PLCG2: variants seen among roughly 807,000 people sequenced by gnomAD.
The protein encoded by PLCG2 is 1-phosphatidylinositol 4,5-bisphosphate phosphodiesterase gamma-2.
In PLCG2, 69 loss-of-function variants were observed where a neutral mutation model predicts 175.6. The observed-to-expected ratio is 0.39, with a 90% CI of 0.32 to 0.48. The LOEUF (loss-of-function observed/expected upper bound fraction) is 0.48, where lower values mean the gene tolerates loss of function less well. Among genes scored for constraint, PLCG2 ranks in the 20% least tolerant of loss-of-function variants. The pLI is 0.91. For missense variants in PLCG2, 1,798 were observed against 1,650.9 expected (o/e 1.09, Z -1.54); for synonymous variants, 827 against 624.0 (o/e 1.33, Z -4.85).
chr16:81,874,775 C>A (rs1907684742), intron 7 of PLCG2, among the ~76,000 whole-genome samples: 1 of 152,108 alleles, frequency 6.6e-6, no homozygotes, highest in Non-Finnish European at 1.5e-5. Flanking sequence ...ACCTCTCGAG[C>A]TTCAGAGTTT....
At chr16:81,871,564 C>T (rs1308657731) in intron 7 of PLCG2, among the ~76,000 whole-genome samples, 1 of 152,174 alleles carries the variant, frequency 6.6e-6, no homozygotes, top group African/African-American at 2.4e-5. Flanking sequence ...TCTCGAACTT[C>T]TAACCTCAAC....
chr16:81,932,100 T>C (rs1910526653), intron 25 of PLCG2, among the ~76,000 whole-genome samples: 1 of 152,178 alleles, frequency 6.6e-6, no homozygotes, highest in Non-Finnish European at 1.5e-5. Flanking sequence ...GACCCGGTTC[T>C]TTCCGGTGGA....
At position 81,937,079 on chromosome 16, in the gene PLCG2, G is replaced by A. The variant is rs114952272; in HGVS notation, c.3053-679G>A. On this transcript the variant is annotated intron_variant, in intron 27 of 32. Coordinates refer to ENST00000564138, the MANE Select transcript of PLCG2 (RefSeq NM_002661.5). ...AGAAAGGCAGGGTGGGTCAAACAGC[G>A]CTTGCATTTTGATCAACTTTGCCCT... is the stretch of plus-strand genomic sequence containing the variant. 2.5e-3 allele frequency among the ~76,000 whole-genome samples: 383 copies of A among 152,320 alleles called. 2 individuals are homozygous for A. The highest frequency in any genetic ancestry group is 8.6e-3 in the African/African-American group (359 of 41,568).
chr16:81,889,125 T>G (rs1271249849), intron 9 of PLCG2, 47 bp from the exon 10 acceptor site: 1 of 1,133,384 alleles, frequency 8.8e-7, no homozygotes, highest in East Asian at 2.5e-5. Context: ...TGAAGAATTT[T>G]ATCAGTTCTC....
At chr16:81,784,854 G>T (rs4281704) in intron 1 of PLCG2, among the ~76,000 whole-genome samples, 1 of 151,866 alleles carries the variant, frequency 6.6e-6, no homozygotes, top group Non-Finnish European at 1.5e-5. Context: ...CCTGGGGAGC[G>T]CCTTCACTCT....
At chr16:81,791,387 A>G (rs1911224300) in intron 2 of PLCG2, among the ~76,000 whole-genome samples, 1 of 152,150 alleles carries the variant, frequency 6.6e-6, no homozygotes, top group African/African-American at 2.4e-5. Context: ...GTCATGTAAT[A>G]TAAACAAGCA....
intron 31 of PLCG2, among the ~76,000 whole-genome samples, 197 bp downstream of exon 31, chr16:81,946,460 C>G (rs1911154042): frequency 6.6e-6 from 1 of 152,100 alleles, no homozygotes; most frequent in Admixed American, 6.5e-5. Context: ...ATCCTCCTTT[C>G]CTGGAGAATG....
In PLCG2 at chr16:81,847,662, T is replaced by C. The variant is rs555856392; in HGVS notation, c.194-6782T>C. On this transcript the variant is annotated intron_variant, in intron 2 of 32. Coordinates refer to ENST00000564138, the MANE Select transcript of PLCG2 (RefSeq NM_002661.5). ...GTCTGCGGATTTAAGCTATGGTCGATTGAAAATATTTGAGAAAATTGCATC... is the reference window on the plus strand; with the variant it reads ...GTCTGCGGATTTAAGCTATGGTCGACTGAAAATATTTGAGAAAATTGCATC... 4.6e-5 allele frequency among the ~76,000 whole-genome samples: 7 copies of C among 152,344 alleles called. No homozygotes were observed. In the South Asian group the frequency reaches 1.0e-3, roughly 23 times the overall value.
chr16:81,753,822 C>T (rs1354671974), intron 1 of PLCG2, among the ~76,000 whole-genome samples: 2 of 152,160 alleles, frequency 1.3e-5, no homozygotes, highest in African/African-American at 4.8e-5. Flanking sequence ...GGAGCTCAGC[C>T]GTTTTATCTC....
intron 2 of PLCG2, among the ~76,000 whole-genome samples, chr16:81,845,699 G>A (rs995052072): frequency 1.3e-5 from 2 of 152,240 alleles, no homozygotes; most frequent in Non-Finnish European, 2.9e-5. Flanking sequence ...TCTCTGTGCA[G>A]CTCTGCACCC....
intron 16 of PLCG2, 46 bp downstream of exon 16, chr16:81,907,820 C>G: frequency 6.9e-7 from 1 of 1,441,856 alleles, no homozygotes; most frequent in Non-Finnish European, 9.7e-7. Context: ...CCCAGGAACC[C>G]CGAGGACCAG....
At chr16:81,900,274 C>T (rs1022357125) in intron 13 of PLCG2, among the ~76,000 whole-genome samples, 4 of 152,124 alleles carry the variant, frequency 2.6e-5, no homozygotes, top group African/African-American at 9.7e-5. Flanking sequence ...ATTGTGCTGT[C>T]TGTTCATCTT....
At chr16:81,874,974 T>A (rs1408748041) in intron 7 of PLCG2, among the ~76,000 whole-genome samples, 1 of 147,136 alleles carries the variant, frequency 6.8e-6, no homozygotes, top group Non-Finnish European at 1.5e-5. Context: ...TTTTTTTTTT[T>A]TTTATTTGAG....
intron 2 of PLCG2, among the ~76,000 whole-genome samples, chr16:81,764,832 G>C (rs147139203): frequency 2.6e-5 from 4 of 152,126 alleles, no homozygotes; most frequent in Non-Finnish European, 2.9e-5. Flanking sequence ...GTTCAATCCC[G>C]TAATCCCAGT....
At chr16:81,822,761 CAAA>C (rs59970301) in intron 2 of PLCG2, among the ~76,000 whole-genome samples, 3 of 69,844 alleles carry the variant, frequency 4.3e-5, no homozygotes, top group Non-Finnish European at 7.1e-5. Flanking sequence ...GACTCCATCT[CAAA>C]AAAAAAAAAA....
intron 2 of PLCG2, among the ~76,000 whole-genome samples, chr16:81,844,051 A>G (rs1368163927): frequency 2.7e-5 from 4 of 146,556 alleles, no homozygotes; most frequent in Non-Finnish European, 5.9e-5. Flanking sequence ...ACGTCGGCTC[A>G]CTACAAGCTC....
At chr16:81,935,494 TTTC>T (rs1317851763) in intron 26 of PLCG2, 7 of 984,480 alleles carry the variant, frequency 7.1e-6, no homozygotes, top group African/African-American at 5.2e-5. Flanking sequence ...TACGTATTTT[TTTC>T]TTTGGGTGTT....
intron 10 of PLCG2, among the ~76,000 whole-genome samples, chr16:81,890,124 A>C (rs1042750273): frequency 6.6e-6 from 1 of 152,156 alleles, no homozygotes; most frequent in Non-Finnish European, 1.5e-5. Flanking sequence ...AGACGTCTCA[A>C]AAGGCCAATC....
intron 19 of PLCG2, among the ~76,000 whole-genome samples, chr16:81,912,963 G>C (rs1467355437): frequency 6.6e-6 from 1 of 152,242 alleles, no homozygotes; most frequent in Non-Finnish European, 1.5e-5. Context: ...TAACTCTGTG[G>C]GGTTGACATG....
Sources: gnomAD v4.1 joint callset for allele counts (sites outside exome capture counted in the v4.1 genomes callset) on GRCh38, gnomAD v4.1.1 for gene constraint, MANE v1.5 for transcripts, NCBI Gene and HGNC (gene_info 2026-07-23, HGNC 2026-07-21) for gene names.